Variants in GHR observed in about 807,000 individuals in gnomAD.
GHR encodes the protein GH receptor.
In GHR, 35 loss-of-function variants were observed where a neutral mutation model predicts 67.1. The observed-to-expected ratio is 0.52, with a 90% confidence interval of 0.40 to 0.69. GHR has a LOEUF of 0.69. GHR is among the 30% of genes least tolerant of loss of function. GHR has a pLI of 0.00. For missense variants in GHR, 792 were observed against 764.6 expected, an observed-to-expected ratio of 1.04 and a Z score of -0.42; for synonymous variants, 272 against 269.1, an observed-to-expected ratio of 1.01 and a Z score of -0.10.
intron 3 of GHR, among the ~76,000 whole-genome samples, chr5:42,650,595 ATATATATG>A (rs1561197402): frequency 6.8e-6 from 1 of 146,932 alleles, no homozygotes; most frequent in Non-Finnish European, 1.5e-5. Context: ...ATATATATAT[ATATATATG>A]TATGTCTATG....
At chr5:42,530,236 A>G (rs1747906607) in intron 1 of GHR, among the ~76,000 whole-genome samples, 1 of 152,008 alleles carries the variant, frequency 6.6e-6, no homozygotes, top group Non-Finnish European at 1.5e-5. Flanking sequence ...TCATTTTTGA[A>G]CACTAGCTAC....
chr5:42,616,356 G>A (rs1753147710), intron 2 of GHR, among the ~76,000 whole-genome samples: 1 of 152,086 alleles, frequency 6.6e-6, no homozygotes, highest in African/African-American at 2.4e-5. Context: ...AGAACTTGTT[G>A]ATGGTTAAAT....
chr5:42,432,014 G>T (rs1031208457), intron 1 of GHR, among the ~76,000 whole-genome samples: 1 of 152,138 alleles, frequency 6.6e-6, no homozygotes, highest in African/African-American at 2.4e-5. Flanking sequence ...ATCTGAACAG[G>T]TACTTTTATG....
intron 1 of GHR, among the ~76,000 whole-genome samples, chr5:42,561,700 G>A (rs748042619): frequency 2.0e-5 from 3 of 152,134 alleles, no homozygotes; most frequent in Non-Finnish European, 4.4e-5. Flanking sequence ...GGGTAGAAAT[G>A]GTGTGAGTTC....
chr5:42,543,244 C>A (rs1478857219), intron 1 of GHR, among the ~76,000 whole-genome samples: 3 of 152,126 alleles, frequency 2.0e-5, no homozygotes, highest in African/African-American at 7.2e-5. Context: ...TAATTGACAT[C>A]ACTACCAGCA....
chr5:42,602,035 CTG>C (rs1250746325), intron 2 of GHR, among the ~76,000 whole-genome samples: 2 of 152,026 alleles, frequency 1.3e-5, no homozygotes, highest in Admixed American at 6.5e-5. Flanking sequence ...ATCTACTAAA[CTG>C]TATTTTTTAA....
At chr5:42,634,522 C>CACACAG (rs982381604) in intron 3 of GHR, among the ~76,000 whole-genome samples, 5 of 59,632 alleles carry the variant, frequency 8.4e-5, no homozygotes, top group African/African-American at 6.1e-4. Flanking sequence ...TTGAATTTTG[C>CACACAG]ACACACACAC....
At position 42,641,057 on chromosome 5, in the gene GHR, C is replaced by A. The variant is rs115992689; in HGVS notation, c.136+11954C>A. ...ATTGCTTCAAATTCTTTACTCAGGG[C>A]TGCCCTTAGTCATGATCAAATAAAA... is the stretch of plus-strand genomic sequence containing the variant. On this transcript the variant is annotated intron_variant, in intron 3 of 9. Transcript: ENST00000230882. Among the ~76,000 whole-genome samples the A allele has an allele frequency of 9.3e-4, 141 of 152,248 alleles. 2 individuals are homozygous for A. Among genetic ancestry groups the A allele is most frequent in the African/African-American group, 3.4e-3 (141 of 41,526 alleles).
At chr5:42,688,631 A>T (rs1030325373) in intron 3 of GHR, among the ~76,000 whole-genome samples, 3 of 152,156 alleles carry the variant, frequency 2.0e-5, no homozygotes, top group Non-Finnish European at 2.9e-5. Flanking sequence ...CTGGTTTCTT[A>T]AACAGGTCCT....
chr5:42,548,388 A>T, intron 1 of GHR: 1 of 985,352 alleles, frequency 1.0e-6, no homozygotes, highest in Non-Finnish European at 1.2e-6. Context: ...TCTCTGTCAG[A>T]TTTTAACCAA....
Position 42,719,774 on chromosome 5 carries a change from T to C in GHR, c.*350T>C. ...CACGCTTTTTGAAAAAGCGAAAAAA[T>C]CAGGTGGCTTTTGCGGTTCAGGAAA... On this transcript the variant is annotated 3_prime_UTR_variant, in exon 10 of 10. Coordinates refer to ENST00000230882, the MANE Select transcript of GHR (RefSeq NM_000163.5). 1 of 300,474 alleles carries C rather than the reference T, an allele frequency of 3.3e-6. No homozygotes were observed. Among genetic ancestry groups the C allele is most frequent in the East Asian group, 8.1e-5 (1 of 12,396 alleles). The allele number at this position is 300,474 out of a possible 1,614,324, so 18.6% of individuals were successfully genotyped here. A position where few individuals can be genotyped will look rare whatever the true frequency, so the allele number is the denominator to read the frequency against.
At chr5:42,647,207 T>G (rs1345258692) in intron 3 of GHR, among the ~76,000 whole-genome samples, 1 of 152,096 alleles carries the variant, frequency 6.6e-6, no homozygotes, top group East Asian at 1.9e-4. Context: ...TAAGGCGGAA[T>G]TGTGGGTCCC....
chr5:42,584,407 A>G (rs1282022811), intron 2 of GHR, among the ~76,000 whole-genome samples: 1 of 152,166 alleles, frequency 6.6e-6, no homozygotes, highest in Non-Finnish European at 1.5e-5. Flanking sequence ...CACTGATGCA[A>G]AGTTGAGACT....
chr5:42,648,948 A>G (rs1243829518), intron 3 of GHR, among the ~76,000 whole-genome samples: 1 of 152,194 alleles, frequency 6.6e-6, no homozygotes, highest in East Asian at 1.9e-4. Context: ...TTATTTCTCA[A>G]AGAGTAATGA....
chr5:42,511,290 A>C (rs141890119), intron 1 of GHR, among the ~76,000 whole-genome samples: 7 of 152,214 alleles, frequency 4.6e-5, no homozygotes, highest in South Asian at 2.1e-4. Flanking sequence ...TAAAAGAACA[A>C]CACCACCCCA....
chr5:42,583,886 T>C (rs1751330463), intron 2 of GHR, among the ~76,000 whole-genome samples: 1 of 148,928 alleles, frequency 6.7e-6, no homozygotes, highest in African/African-American at 2.4e-5. Context: ...AAGATATATA[T>C]ATATATATAT....
In GHR at chr5:42,719,608, C is replaced by CAGAT; in HGVS notation, c.*190_*193dup. ...TAAAAAAATAAGAAGAATGCTTAAT[C>CAGAT]AGATAGATATTCCTATTGTGCAATG... On this transcript the variant is annotated 3_prime_UTR_variant, in exon 10 of 10. Coordinates refer to ENST00000230882, the MANE Select transcript of GHR (RefSeq NM_000163.5). 1 of 646,774 alleles carries CAGAT rather than the reference C, an allele frequency of 1.5e-6. No homozygotes were observed. The highest frequency in any genetic ancestry group is 1.7e-5 in the South Asian group (1 of 57,954). 40.1% of individuals were successfully genotyped at this position (646,774 alleles called of 1,614,324 possible). A position where few individuals can be genotyped will look rare whatever the true frequency, so the allele number is the denominator to read the frequency against.
chr5:42,718,099 G>A lies in GHR; in HGVS notation c.923G>A (p.Gly308Glu), dbSNP rs199630000. The A allele has an allele frequency of 5.8e-6, 9 of 1,558,398 alleles. No homozygotes were observed. The East Asian group carries it at 1.1e-4, about 19-fold the overall frequency. The change falls in exon 9 of 10, where the codon GGA (glycine) becomes GAA (glutamate). Residue 308 changes from glycine (G) to glutamate (E), a missense_variant. Coordinates refer to ENST00000230882, the MANE Select transcript of GHR (RefSeq NM_000163.5). ...LPPVPVPKIK[G>E]IDPDLLKEGK... ...CCAGTTCCAGTTCCAAAGATTAAAGGAATCGATCCAGATCTCCTCAAGGTA... is the reference window on the plus strand; with the variant it reads ...CCAGTTCCAGTTCCAAAGATTAAAGAAATCGATCCAGATCTCCTCAAGGTA...
chr5:42,571,221 CAG>C (rs941687040), intron 2 of GHR, among the ~76,000 whole-genome samples: 8 of 152,210 alleles, frequency 5.3e-5, no homozygotes, highest in Non-Finnish European at 1.0e-4. Context: ...TGGATGACAG[CAG>C]AGTGTCTAAG....
Sources: allele counts gnomAD v4.1 joint callset (sites outside exome capture counted in the v4.1 genomes callset), GRCh38; gene constraint gnomAD v4.1.1; transcripts MANE v1.5; gene names NCBI Gene and HGNC (gene_info 2026-07-23, HGNC 2026-07-21).